Variants in CSMD2 observed in about 807,000 individuals in gnomAD.
The protein encoded by CSMD2 is CUB and Sushi multiple domains 2.
In CSMD2, 130 loss-of-function variants were observed where a neutral mutation model predicts 398.5. The ratio of observed to expected loss-of-function variants is 0.33; its 90% CI spans 0.28 to 0.38. CSMD2 has a LOEUF of 0.38. Among genes scored for constraint, CSMD2 ranks in the 10% least tolerant of loss-of-function variants. The pLI is 1.00. For missense variants in CSMD2, 3,829 were observed against 4,764.9 expected, an observed-to-expected ratio of 0.80 and a Z score of 5.78; for synonymous variants, 1,828 against 1,908.5, an observed-to-expected ratio of 0.96 and a Z score of 1.10.
rs1639981302 is a variant in CSMD2, at chr1:34,148,410, C to A, written c.187+16501G>T. On this transcript the variant is annotated intron_variant, in intron 1 of 70. Coordinates refer to ENST00000373381, the MANE Select transcript of CSMD2 (RefSeq NM_001281956.2). ...CGTAATTTGGTGCAGCAACAGAAAACAAAAGGAAAATTGCATCTTTGCTGC... is the reference window on the plus strand; with the variant it reads ...CGTAATTTGGTGCAGCAACAGAAAAAAAAAGGAAAATTGCATCTTTGCTGC... Among the ~76,000 whole-genome samples the A allele has an allele frequency of 2.0e-5, 3 of 152,214 alleles. No homozygotes were observed. In the South Asian group the frequency reaches 6.2e-4, roughly 32 times the overall value.
chr1:33,600,138 C>CT (rs771299866), intron 44 of CSMD2: 2 of 713,578 alleles, frequency 2.8e-6, no homozygotes, highest in Non-Finnish European at 5.2e-6. Flanking sequence ...ACTGAAGTCT[C>CT]AAGTGGGGAA....
intron 64 of CSMD2, among the ~76,000 whole-genome samples, chr1:33,532,618 C>A (rs538702220): frequency 1.1e-4 from 16 of 152,168 alleles, no homozygotes; most frequent in African/African-American, 3.4e-4. Flanking sequence ...TCATGCCTAG[C>A]GCAAGCATGG....
intron 2 of CSMD2, among the ~76,000 whole-genome samples, chr1:34,035,731 A>G (rs1272333293): frequency 6.8e-6 from 1 of 148,084 alleles, no homozygotes; most frequent in Non-Finnish European, 1.5e-5. Flanking sequence ...TTGATAAAGA[A>G]CATCTACAAA....
rs1641672760 is a variant in CSMD2, at chr1:34,164,427, G to A, written c.187+484C>T. ...TTTCAATTGGAGAAAATGGGCGGGG[G>A]CAGGGAAGGGCAGACCTTGCAGACG... On this transcript the variant is annotated intron_variant, in intron 1 of 70. Coordinates refer to ENST00000373381, the MANE Select transcript of CSMD2 (RefSeq NM_001281956.2). The surrounding 1 kb of genome is among the most constrained non-coding windows in gnomAD (Gnocchi z 6.2). Among the ~76,000 whole-genome samples the A allele has an allele frequency of 2.0e-5, 3 of 152,058 alleles. No individual in the cohort carries two copies. In the South Asian group the frequency reaches 6.2e-4, roughly 32 times the overall value.
At chr1:33,557,655 CACACAT>C (rs1658151804) in intron 55 of CSMD2, 73 bp downstream of exon 55, 5 of 1,062,880 alleles carry the variant, frequency 4.7e-6, no homozygotes, top group Non-Finnish European at 6.7e-6. Flanking sequence ...CACACACACA[CACACAT>C]GCACAGAGGG....
intron 2 of CSMD2, among the ~76,000 whole-genome samples, chr1:34,083,807 T>C (rs1250700242): frequency 6.6e-6 from 1 of 152,050 alleles, no homozygotes; most frequent in African/African-American, 2.4e-5. Context: ...TAGTCCCAGC[T>C]ACTTTTGGGG....
intron 44 of CSMD2, chr1:33,599,031 GTTGTCTGACCT>G (rs1223423011): frequency 6.6e-6 from 1 of 152,212 alleles, no homozygotes; most frequent in Non-Finnish European, 1.5e-5. Flanking sequence ...TGAGGGCTCT[GTTGTCTGACCT>G]AATTGCCTCC....
Position 33,700,624 on chromosome 1 carries a change from T to A in CSMD2, c.3626A>T (p.His1209Leu), listed in dbSNP as rs190967953. ...CAAAGTCACCCCCATCATCTCAGAA[T>A]GGCTAAAAACTCCCAGCAAACGGGC... ...NSARLLGVFS[H>L]SEMMGVTLNS... is the part of the protein sequence containing the mutation. Residue 1209 changes from histidine (H) to leucine (L), a missense_variant, in exon 23 of 71, where the codon CAT becomes CTT. His to Leu is a moderately conservative substitution (Grantham distance 99). Around this residue, in one of 5 missense-constraint regions of CSMD2, gnomAD observed 2,001 missense variants for 2,567.1 expected, o/e 0.78. Coordinates refer to ENST00000373381, the MANE Select transcript of CSMD2 (RefSeq NM_001281956.2). The A allele has an allele frequency of 6.2e-7, 1 of 1,614,076 alleles. No individual in the cohort carries two copies. The highest frequency in any genetic ancestry group is 8.5e-7 in the Non-Finnish European group (1 of 1,180,042).
chr1:33,657,504 C>T (rs960459587), intron 27 of CSMD2, among the ~76,000 whole-genome samples: 4 of 152,132 alleles, frequency 2.6e-5, no homozygotes, highest in African/African-American at 9.7e-5. Context: ...ACCCAGGTAA[C>T]CAATAATTTC....
intron 10 of CSMD2, among the ~76,000 whole-genome samples, chr1:33,809,714 A>G (rs894908006): frequency 2.1e-5 from 3 of 144,318 alleles, no homozygotes; most frequent in African/African-American, 5.2e-5. Context: ...GAAAAGGTAT[A>G]AGAAATGGAA....
chr1:33,822,528 C>T (rs1259369997), intron 7 of CSMD2, among the ~76,000 whole-genome samples: 2 of 152,158 alleles, frequency 1.3e-5, no homozygotes, highest in East Asian at 1.9e-4. Context: ...CACGTTCAAG[C>T]CAGTTACCCC....
At chr1:34,126,196 C>T (rs1050218577) in intron 1 of CSMD2, among the ~76,000 whole-genome samples, 2 of 152,208 alleles carry the variant, frequency 1.3e-5, no homozygotes, top group Non-Finnish European at 2.9e-5. Context: ...CCAATTTAAA[C>T]TACTTACACT....
chr1:34,028,721 G>A (rs1046576288), intron 3 of CSMD2, among the ~76,000 whole-genome samples: 7 of 148,908 alleles, frequency 4.7e-5, no homozygotes, highest in Admixed American at 1.4e-4. Context: ...GTTGTGGTGG[G>A]GGATTAAATG....
intron 47 of CSMD2, among the ~76,000 whole-genome samples, chr1:33,581,768 G>C (rs1461232973): frequency 6.6e-6 from 1 of 152,068 alleles, no homozygotes; most frequent in Admixed American, 6.5e-5. Context: ...GGTTGAAGGG[G>C]CGCAGAATAT....
intron 66 of CSMD2, among the ~76,000 whole-genome samples, chr1:33,523,824 C>T (rs1352397808): frequency 1.3e-5 from 2 of 152,210 alleles, no homozygotes; most frequent in African/African-American, 4.8e-5. Flanking sequence ...GAGCAAATGT[C>T]ATCCTGCAGT....
chr1:33,670,845 C>T (rs914921365), intron 25 of CSMD2, among the ~76,000 whole-genome samples: 6 of 152,296 alleles, frequency 3.9e-5, no homozygotes, highest in South Asian at 2.1e-4. Flanking sequence ...AAGGTATGTA[C>T]GGAGAAGCCC....
intron 37 of CSMD2, among the ~76,000 whole-genome samples, chr1:33,619,763 C>CT (rs1641644602): frequency 6.6e-6 from 1 of 152,176 alleles, no homozygotes; most frequent in Admixed American, 6.5e-5. Flanking sequence ...AATGAAAACT[C>CT]TTTGAGCCTT....
intron 5 of CSMD2, chr1:33,869,225 C>T (rs1640269448): frequency 6.6e-6 from 1 of 152,160 alleles, no homozygotes; most frequent in African/African-American, 2.4e-5. Context: ...CTATCAAGTG[C>T]CAACAAGGGG....
intron 41 of CSMD2, among the ~76,000 whole-genome samples, chr1:33,607,689 G>A (rs886509907): frequency 6.6e-6 from 1 of 152,254 alleles, no homozygotes; most frequent in African/African-American, 2.4e-5. Flanking sequence ...AGTCTGAGGG[G>A]AGCAGGTGCC....
Sources: gnomAD v4.1 joint callset for allele counts (sites outside exome capture counted in the v4.1 genomes callset) on GRCh38, gnomAD v4.1.1 for gene constraint, gnomAD v4.1.1 regional missense constraint, Gnocchi (gnomAD v3.1) non-coding constraint, MANE v1.5 for transcripts, NCBI Gene and HGNC (gene_info 2026-07-23, HGNC 2026-07-21) for gene names.